The following IL7 variants were observed in gnomAD, a reference collection of about 807,000 sequenced individuals.
The protein encoded by IL7 is interleukin 7, also known as interleukin-7.
Under a neutral mutation model 21.6 loss-of-function variants are expected in IL7, and 3 were observed. That is an observed-to-expected ratio of 0.14 (90% CI 0.06 to 0.36). The LOEUF (loss-of-function observed/expected upper bound fraction) is 0.36. IL7 is among the 10% of genes least tolerant of loss of function. IL7 has a pLI of 1.00. For synonymous variants in IL7, 62 were observed against 68.1 expected, an observed-to-expected ratio of 0.91 and a Z score of 0.44; for missense variants, 175 against 200.2, an observed-to-expected ratio of 0.87 and a Z score of 0.76.
At chr8:78,767,696 A>G (rs1812800786) in intron 2 of IL7, among the ~76,000 whole-genome samples, 1 of 152,118 alleles carries the variant, frequency 6.6e-6, no homozygotes, top group African/African-American at 2.4e-5. Flanking sequence ...GCAGCATTTA[A>G]TAGTGATTGT....
intron 2 of IL7, 100 bp from the exon 3 acceptor site, chr8:78,740,182 T>G: frequency 1.4e-6 from 1 of 695,662 alleles, no homozygotes. Flanking sequence ...GATATTTATA[T>G]GTGCATTTTA....
intron 3 of IL7, among the ~76,000 whole-genome samples, chr8:78,691,451 TTC>T (rs1810208322): frequency 6.6e-6 from 1 of 152,108 alleles, no homozygotes; most frequent in African/African-American, 2.4e-5. Flanking sequence ...CTCACTTCTT[TTC>T]TCTCTATTCC....
Position 78,733,475 on chromosome 8 carries a change from T to G in IL7, c.*238A>C. 1 of 382,566 alleles carries G rather than the reference T, an allele frequency of 2.6e-6. No homozygotes were observed. Among genetic ancestry groups the G allele is most frequent in the Non-Finnish European group, 4.7e-6 (1 of 214,060 alleles). The allele number at this position is 382,566 out of a possible 1,614,324, so 23.7% of individuals were successfully genotyped here. On this transcript the variant is annotated 3_prime_UTR_variant, in exon 6 of 6. Transcript: ENST00000263851. ...TACAAAAATCAGTACAGAATTATAC[T>G]GATTGATAAATGTTCACATATATAA...
chr8:78,770,066 T>C (rs1351233514), intron 2 of IL7, among the ~76,000 whole-genome samples: 6 of 152,154 alleles, frequency 3.9e-5, no homozygotes, highest in Admixed American at 6.5e-5. Context: ...ATGTTAGGCC[T>C]AAAACCATAA....
At chr8:78,693,352 T>C (rs994374803) in intron 3 of IL7, among the ~76,000 whole-genome samples, 1 of 151,950 alleles carries the variant, frequency 6.6e-6, no homozygotes, top group Non-Finnish European at 1.5e-5. Flanking sequence ...CCACCAACAG[T>C]GTAAAAGTGT....
intron 3 of IL7, among the ~76,000 whole-genome samples, chr8:78,707,763 A>G (rs1810820956): frequency 6.6e-6 from 1 of 152,058 alleles, no homozygotes; most frequent in African/African-American, 2.4e-5. Flanking sequence ...CTACCAATAT[A>G]TTACTATATT....
chr8:78,741,662 GATA>G, intron 2 of IL7, among the ~76,000 whole-genome samples: 1 of 152,286 alleles, frequency 6.6e-6, no homozygotes, highest in South Asian at 2.1e-4. Flanking sequence ...TCCACAGAAA[GATA>G]ATGTTATACC....
At chr8:78,730,259 C>T (rs1015310690), downstream of IL7, among the ~76,000 whole-genome samples, 1 of 151,892 alleles carries the variant, frequency 6.6e-6, no homozygotes, top group Non-Finnish European at 1.5e-5. Flanking sequence ...CCAGATTATT[C>T]CCAATACAAA....
At chr8:78,686,718 G>T (rs1283228861) in intron 3 of IL7, 2 of 1,169,306 alleles carry the variant, frequency 1.7e-6, no homozygotes, top group Non-Finnish European at 2.2e-6. Flanking sequence ...GTGTTATGAG[G>T]CATAATCTTT....
At chr8:78,675,107 G>A (rs975954536), downstream of IL7, among the ~76,000 whole-genome samples, 4 of 150,974 alleles carry the variant, frequency 2.6e-5, no homozygotes, top group African/African-American at 7.3e-5. Flanking sequence ...AACATTTGTT[G>A]TATTCAGTTA....
At chr8:78,748,731 G>A (rs529751854) in intron 2 of IL7, among the ~76,000 whole-genome samples, 165 of 152,272 alleles carry the variant, frequency 1.1e-3, no homozygotes, top group Non-Finnish European at 1.9e-3. Flanking sequence ...AAGCCAGAGA[G>A]TTAGAAGGAA....
chr8:78,729,444 G>A (rs1174188949), downstream of IL7, among the ~76,000 whole-genome samples: 2 of 152,054 alleles, frequency 1.3e-5, no homozygotes, highest in Non-Finnish European at 2.9e-5. Flanking sequence ...CTATTTGGCT[G>A]TGAACAGATT....
rs2130864303 is a variant in IL7 at position 78,805,031 on chromosome 8, C to T, written c.-109G>A. On this transcript the variant is annotated 5_prime_UTR_variant, in exon 1 of 6. Coordinates refer to ENST00000263851, the MANE Select transcript of IL7 (RefSeq NM_000880.4). ...CTGGTCTTCCGCGGAGTTGCCGAGT[C>T]TGTGTTGGGCAGGGTGATCTCTGCA... 2.4e-6 allele frequency: 3 copies of T among 1,226,200 alleles called. No individual in the cohort carries two copies. The highest frequency in any genetic ancestry group is 2.8e-5 in the South Asian group (2 of 70,450). The allele number at this position is 1,226,200 out of a possible 1,614,324, so 76.0% of individuals were successfully genotyped here.
chr8:78,784,503 A>G (rs1325486303), intron 2 of IL7, among the ~76,000 whole-genome samples: 1 of 152,228 alleles, frequency 6.6e-6, no homozygotes, highest in Non-Finnish European at 1.5e-5. Flanking sequence ...TATACACGAT[A>G]TAACATATAA....
chr8:78,723,285 T>C (rs1188370238), intron 3 of IL7, among the ~76,000 whole-genome samples: 1 of 151,864 alleles, frequency 6.6e-6, no homozygotes. Context: ...AATAAACATT[T>C]AGTGACTATT....
intron 2 of IL7, among the ~76,000 whole-genome samples, chr8:78,744,182 G>C (rs1378944074): frequency 6.6e-6 from 1 of 152,122 alleles, no homozygotes; most frequent in Non-Finnish European, 1.5e-5. Flanking sequence ...AGGCTGGACA[G>C]GTTCAGTACC....
chr8:78,719,971 G>A (rs1258607345), intron 5 of IL7, among the ~76,000 whole-genome samples: 1 of 151,708 alleles, frequency 6.6e-6, no homozygotes, highest in Non-Finnish European at 1.5e-5. Context: ...TATTAGAAAT[G>A]TTTTTGTTAC....
At chr8:78,689,785 CT>C (rs1810149066) in intron 3 of IL7, among the ~76,000 whole-genome samples, 1 of 152,034 alleles carries the variant, frequency 6.6e-6, no homozygotes, top group East Asian at 1.9e-4. Context: ...TTAAGGATGT[CT>C]TTTGAGGGGC....
intron 5 of IL7, among the ~76,000 whole-genome samples, chr8:78,735,500 G>T (rs1471907341): frequency 6.6e-6 from 1 of 151,714 alleles, no homozygotes; most frequent in Admixed American, 6.6e-5. Context: ...AGTAGAGACG[G>T]GGTTTCACCA....
Sources: allele counts gnomAD v4.1 joint callset (sites outside exome capture counted in the v4.1 genomes callset), GRCh38; gene constraint gnomAD v4.1.1; transcripts MANE v1.5; gene names NCBI Gene and HGNC (gene_info 2026-07-23, HGNC 2026-07-21).